NUTF2: variants seen among roughly 807,000 people sequenced by gnomAD.
The protein encoded by NUTF2 is nuclear transport factor 2, also known as placental protein 15.
In NUTF2, 3 loss-of-function variants were observed where a neutral mutation model predicts 18.5. The observed-to-expected ratio is 0.16, with a 90% CI of 0.07 to 0.42. The LOEUF is 0.42. NUTF2 is among the 10% of genes least tolerant of loss of function. The probability of loss-of-function intolerance (pLI) is 0.99; values close to 1 mark genes in which losing one functional copy is unlikely to be tolerated. For synonymous variants in NUTF2, 51 were observed against 57.9 expected (o/e 0.88, Z 0.54); for missense variants, 44 against 160.7 (o/e 0.27, Z 3.93).
chr16:67,850,205 C>CTTTTTTTT (rs768001106), intron 1 of NUTF2, among the ~76,000 whole-genome samples: 1 of 149,732 alleles, frequency 6.7e-6, no homozygotes, highest in African/African-American at 2.5e-5. Context: ...TTCCCTGTAA[C>CTTTTTTTT]TTCTTTTTTT....
At chr16:67,870,518 A>G (rs1277790528) in intron 4 of NUTF2, 1 of 403,990 alleles carries the variant, frequency 2.5e-6, no homozygotes, top group Non-Finnish European at 4.5e-6. Context: ...AGGCAGGTAC[A>G]TCCTCTGCTC....
chr16:67,850,486 G>A (rs2057845980), intron 1 of NUTF2, among the ~76,000 whole-genome samples: 1 of 152,288 alleles, frequency 6.6e-6, no homozygotes, highest in East Asian at 1.9e-4. Context: ...GATTACAGGC[G>A]TGAGCCACCG....
chr16:67,848,522 G>T (rs1013629087), intron 1 of NUTF2, among the ~76,000 whole-genome samples: 1 of 152,126 alleles, frequency 6.6e-6, no homozygotes, highest in East Asian at 1.9e-4. Flanking sequence ...GGTGGAGGTC[G>T]CAGTGAACTG....
intron 1 of NUTF2, among the ~76,000 whole-genome samples, chr16:67,858,427 A>G (rs536407326): frequency 6.6e-6 from 1 of 152,282 alleles, no homozygotes; most frequent in African/African-American, 2.4e-5. Context: ...TCAGCCTCCC[A>G]AAGTGCTGGG....
intron 1 of NUTF2, among the ~76,000 whole-genome samples, chr16:67,860,665 G>A (rs1430045238): frequency 6.6e-6 from 1 of 152,184 alleles, no homozygotes; most frequent in Non-Finnish European, 1.5e-5. Flanking sequence ...TTTGGCCTCC[G>A]TGATAGCATG....
chr16:67,858,313 G>A (rs1242799793), intron 1 of NUTF2, among the ~76,000 whole-genome samples: 2 of 151,910 alleles, frequency 1.3e-5, no homozygotes, highest in Middle Eastern at 3.2e-3. Context: ...GACTATAGGC[G>A]CATGCCACCA....
intron 1 of NUTF2, among the ~76,000 whole-genome samples, chr16:67,856,357 AATTTTTAT>A (rs986566951): frequency 1.1e-4 from 17 of 151,632 alleles, no homozygotes; most frequent in Non-Finnish European, 1.8e-4. Flanking sequence ...ACGCCTGGCA[AATTTTTAT>A]ATTTTTAATA....
intron 1 of NUTF2, among the ~76,000 whole-genome samples, chr16:67,852,485 T>C (rs1332822841): frequency 6.6e-6 from 1 of 151,400 alleles, no homozygotes; most frequent in South Asian, 2.1e-4. Context: ...ACCTTCCGAG[T>C]GGCTGGGATT....
intron 1 of NUTF2, among the ~76,000 whole-genome samples, chr16:67,853,348 C>T (rs980257241): frequency 3.3e-5 from 5 of 151,976 alleles, no homozygotes; most frequent in East Asian, 3.9e-4. Context: ...CGCACCATCA[C>T]GCTTGGCTAA....
chr16:67,855,961 C>G, intron 1 of NUTF2: 1 of 1,169,832 alleles, frequency 8.5e-7, no homozygotes, highest in Non-Finnish European at 1.2e-6. Context: ...AGCCTCAGAA[C>G]TTCTGGAACT....
chr16:67,854,091 C>T (rs1769641430), intron 1 of NUTF2, among the ~76,000 whole-genome samples: 1 of 152,230 alleles, frequency 6.6e-6, no homozygotes, highest in African/African-American at 2.4e-5. Flanking sequence ...GCTGGGACTA[C>T]AGGCACGCGC....
intron 1 of NUTF2, among the ~76,000 whole-genome samples, chr16:67,851,710 C>A (rs1206602645): frequency 6.6e-6 from 1 of 151,610 alleles, no homozygotes; most frequent in African/African-American, 2.4e-5. Flanking sequence ...CCTGGAGACA[C>A]AGAATTTTCA....
intron 2 of NUTF2, among the ~76,000 whole-genome samples, chr16:67,868,131 A>G (rs920038275): frequency 6.6e-6 from 1 of 152,138 alleles, no homozygotes; most frequent in Non-Finnish European, 1.5e-5. Context: ...TTTATTAAAT[A>G]GTCTTTCAAA....
chr16:67,870,641 A>G (rs2058005022), intron 4 of NUTF2, 159 bp from the exon 5 acceptor site: 11 of 667,632 alleles, frequency 1.6e-5, no homozygotes, highest in Middle Eastern at 8.0e-4. Context: ...ACATTACATC[A>G]ATTCACATTC....
intron 1 of NUTF2, among the ~76,000 whole-genome samples, chr16:67,851,194 C>T (rs2057854480): frequency 1.3e-5 from 2 of 151,916 alleles, no homozygotes; most frequent in Admixed American, 6.6e-5. Context: ...AAGAGAGACA[C>T]AGAATAGGCA....
intron 2 of NUTF2, 84 bp downstream of exon 2, chr16:67,865,313 G>A: frequency 2.1e-6 from 2 of 975,106 alleles, no homozygotes; most frequent in Non-Finnish European, 3.2e-6. Context: ...ACAAGTTCTG[G>A]CAGCCCTATC....
intron 1 of NUTF2, among the ~76,000 whole-genome samples, chr16:67,861,514 C>G (rs767374059): frequency 8.5e-5 from 13 of 152,184 alleles, no homozygotes; most frequent in Admixed American, 4.6e-4. Flanking sequence ...GGGAGAGGGC[C>G]ACAGTTGCTG....
rs1267797052 is a variant in NUTF2, at chr16:67,871,787, C to G, written c.*874C>G. The G allele has an allele frequency of 6.6e-6, 1 of 152,272 alleles. No homozygotes were observed. The highest frequency in any genetic ancestry group is 1.5e-5 in the Non-Finnish European group (1 of 68,080). 9.4% of individuals were successfully genotyped at this position (152,272 alleles called of 1,614,324 possible). A position where few individuals can be genotyped will look rare whatever the true frequency, so the allele number is the denominator to read the frequency against. ...GGATCAGGATCATATCCAGGATGCC[C>G]CACATACACCAAGCCAGGCAGAGGG... On this transcript the variant is annotated 3_prime_UTR_variant, in exon 5 of 5. Transcript: ENST00000219169.
chr16:67,864,500 ACT>A (rs1423656099), intron 1 of NUTF2, among the ~76,000 whole-genome samples: 2 of 140,022 alleles, frequency 1.4e-5, no homozygotes, highest in African/African-American at 2.8e-5. Context: ...CAAGAGTGAA[ACT>A]CTGTCTCAAA....
Sources: allele counts gnomAD v4.1 joint callset (sites outside exome capture counted in the v4.1 genomes callset), GRCh38; gene constraint gnomAD v4.1.1; transcripts MANE v1.5; gene names NCBI Gene and HGNC (gene_info 2026-07-23, HGNC 2026-07-21).